UTRN: variants seen among roughly 807,000 people sequenced by gnomAD.
The protein encoded by UTRN is utrophin, also known as dystrophin-related protein 1.
A neutral mutation model predicts 463.9 loss-of-function variants in UTRN; 283 were observed. The observed-to-expected ratio is 0.61, with a 90% CI of 0.55 to 0.67. The LOEUF (loss-of-function observed/expected upper bound fraction) is 0.67, where lower values mean the gene tolerates loss of function less well. Ranked by LOEUF, UTRN falls within the 30% of genes least tolerant of loss-of-function variation. The pLI, the probability that UTRN is intolerant of heterozygous loss-of-function variation, is 0.00. For missense variants in UTRN, 3,922 were observed against 4,084.3 expected (o/e 0.96, Z 1.08); for synonymous variants, 1,442 against 1,431.5 (o/e 1.01, Z -0.17).
intron 2 of UTRN, among the ~76,000 whole-genome samples, chr6:144,314,569 G>T (rs1405247397): frequency 6.6e-6 from 1 of 152,184 alleles, no homozygotes; most frequent in Non-Finnish European, 1.5e-5. Flanking sequence ...CAGAATTTAT[G>T]ATTTTTCTTT....
chr6:144,451,252 T>G, intron 17 of UTRN, 118 bp from the exon 18 acceptor site: 1 of 1,215,114 alleles, frequency 8.2e-7, no homozygotes, highest in Non-Finnish European at 1.1e-6. Flanking sequence ...TGGGTTGCTG[T>G]TTTTGGGGGA....
intron 1 of UTRN, among the ~76,000 whole-genome samples, chr6:144,289,049 CT>C (rs1272087079): frequency 2.0e-5 from 3 of 152,252 alleles, no homozygotes; most frequent in Admixed American, 6.5e-5. Context: ...ATCTGCCTGC[CT>C]CAGCCTCCCA....
intron 53 of UTRN, among the ~76,000 whole-genome samples, chr6:144,717,880 C>G (rs144543613): frequency 6.6e-6 from 1 of 151,978 alleles, no homozygotes; most frequent in Non-Finnish European, 1.5e-5. Context: ...CATGATCCAC[C>G]CGCCTCAGCC....
At position 144,402,246 on chromosome 6, in the gene UTRN, C is replaced by T. The variant is rs541937869; in HGVS notation, c.80-877C>T. ...TATATTCACTAACCTTTACAATACT[C>T]TTGCAAGCTAGGTATTATTTATCCC... On this transcript the variant is annotated intron_variant, in intron 2 of 74. Transcript: ENST00000367545. Among the ~76,000 whole-genome samples, 48 of 152,304 alleles carry T rather than the reference C, an allele frequency of 3.2e-4. No individual in the cohort carries two copies. The South Asian group carries it at 8.9e-3, about 28-fold the overall frequency.
At chr6:144,517,012 T>C in intron 39 of UTRN, 64 bp downstream of exon 39, 1 of 1,328,490 alleles carries the variant, frequency 7.5e-7, no homozygotes, top group Non-Finnish European at 9.7e-7. Context: ...CATTCAGATG[T>C]GTGATGCTGC....
chr6:144,372,769 C>A (rs1039628818), intron 2 of UTRN, among the ~76,000 whole-genome samples: 2 of 152,130 alleles, frequency 1.3e-5, no homozygotes, highest in African/African-American at 4.8e-5. Flanking sequence ...TCTTAAAGTG[C>A]TGAGATTATA....
chr6:144,553,632 T>A (rs1288284196), intron 48 of UTRN, among the ~76,000 whole-genome samples: 1 of 152,090 alleles, frequency 6.6e-6, no homozygotes, highest in East Asian at 1.9e-4. Context: ...AATTTAAGTT[T>A]CCAGCCGGGT....
intron 7 of UTRN, among the ~76,000 whole-genome samples, chr6:144,427,447 G>T (rs766320103): frequency 1.3e-5 from 2 of 152,124 alleles, no homozygotes; most frequent in African/African-American, 4.8e-5. Context: ...TTTGTCTCTA[G>T]ATTGTAGGTT....
Position 144,781,993 on chromosome 6 carries a change from C to T in UTRN, c.8704C>T (p.Leu2902Phe). 1 of 1,614,020 alleles carries T rather than the reference C, an allele frequency of 6.2e-7. No homozygotes were observed. Among genetic ancestry groups the T allele is most frequent in the South Asian group, 1.1e-5 (1 of 91,066 alleles). ...CAAGTTGAACCAAAATGACCAGCTCCTCAGTGTTCCAGATGTCATCAACTG... is the reference window on the plus strand; with the variant it reads ...CAAGTTGAACCAAAATGACCAGCTCTTCAGTGTTCCAGATGTCATCAACTG... ...QHKLNQNDQLLSVPDVINCLT... is the reference protein window; with the variant it reads ...QHKLNQNDQLFSVPDVINCLT... Residue 2902 changes from leucine to phenylalanine, a missense_variant, in exon 61 of 75, where the codon CTC becomes TTC. Transcript: ENST00000367545.
chr6:144,750,359 C>T (rs1183283382), intron 55 of UTRN, among the ~76,000 whole-genome samples: 1 of 152,156 alleles, frequency 6.6e-6, no homozygotes, highest in African/African-American at 2.4e-5. Context: ...CTCTTCTTCT[C>T]CTTCCATACT....
At position 144,435,551 on chromosome 6, in the gene UTRN, A is replaced by G. The variant is rs192092343; in HGVS notation, c.856-384A>G. Among the ~76,000 whole-genome samples, 9 of 152,346 alleles carry G rather than the reference A, an allele frequency of 5.9e-5. 1 individual carries two copies. The East Asian group carries it at 1.7e-3, about 29-fold the overall frequency. ...TTACAGAAAAGGCCTAACACGTTCC[A>G]GCTCCTCTACGAAACTTTCCTGTTT... On this transcript the variant is annotated intron_variant, in intron 9 of 74. Transcript: ENST00000367545.
intron 31 of UTRN, among the ~76,000 whole-genome samples, 194 bp from the exon 32 acceptor site, chr6:144,490,735 C>A (rs1792977373): frequency 6.6e-6 from 1 of 152,224 alleles, no homozygotes; most frequent in Non-Finnish European, 1.5e-5. Context: ...ATTTTTGACA[C>A]TGGGCTATGC....
intron 69 of UTRN, among the ~76,000 whole-genome samples, chr6:144,829,380 A>T (rs1209982745): frequency 6.6e-6 from 1 of 152,140 alleles, no homozygotes; most frequent in African/African-American, 2.4e-5. Flanking sequence ...TTGACTTTAG[A>T]ATACTAAAAA....
chr6:144,625,682 G>T (rs1472374918), intron 51 of UTRN, among the ~76,000 whole-genome samples: 1 of 152,164 alleles, frequency 6.6e-6, no homozygotes, highest in Non-Finnish European at 1.5e-5. Context: ...GAATTGATTT[G>T]CTCTACATAT....
chr6:144,518,499 C>T (rs971457731), intron 39 of UTRN, among the ~76,000 whole-genome samples: 13 of 152,174 alleles, frequency 8.5e-5, no homozygotes, highest in Non-Finnish European at 1.8e-4. Context: ...TAATTTTATT[C>T]CGATTCCCTA....
chr6:144,561,884 A>C (rs1348377556), intron 50 of UTRN, among the ~76,000 whole-genome samples: 5 of 152,176 alleles, frequency 3.3e-5, no homozygotes, highest in Admixed American at 3.3e-4. Context: ...CTTTAGTCAA[A>C]TGCACAGTAC....
At chr6:144,732,572 A>T (rs1055797581) in intron 54 of UTRN, among the ~76,000 whole-genome samples, 5 of 151,698 alleles carry the variant, frequency 3.3e-5, no homozygotes, top group Non-Finnish European at 5.9e-5. Context: ...TTCTCCCCTG[A>T]TTATACATCT....
chr6:144,558,192 G>A (rs933581265), intron 50 of UTRN, among the ~76,000 whole-genome samples: 1 of 152,086 alleles, frequency 6.6e-6, no homozygotes, highest in African/African-American at 2.4e-5. Flanking sequence ...ACATGGATAC[G>A]TTTTATACAC....
At chr6:144,786,895 G>A (rs1177668240) in intron 61 of UTRN, among the ~76,000 whole-genome samples, 1 of 152,114 alleles carries the variant, frequency 6.6e-6, no homozygotes, top group East Asian at 1.9e-4. Context: ...ATCGGGGTAG[G>A]AATCATGTCT....
Sources: gnomAD v4.1 joint callset for allele counts (sites outside exome capture counted in the v4.1 genomes callset) on GRCh38, gnomAD v4.1.1 for gene constraint, MANE v1.5 for transcripts, NCBI Gene and HGNC (gene_info 2026-07-23, HGNC 2026-07-21) for gene names.